Variants in GAN observed in about 807,000 individuals in gnomAD.
GAN encodes the protein gigaxonin.
In GAN, 48 loss-of-function variants were observed where a neutral mutation model predicts 71.3. The ratio of observed to expected loss-of-function variants is 0.67; its 90% confidence interval spans 0.53 to 0.86. The LOEUF (loss-of-function observed/expected upper bound fraction) is 0.86. Among genes scored for constraint, GAN ranks in the 40% least tolerant of loss-of-function variants. The pLI is 0.00. For missense variants in GAN, 928 were observed against 770.1 expected (o/e 1.21, Z -2.43); for synonymous variants, 386 against 276.8 (o/e 1.39, Z -3.92).
In GAN at chr16:81,323,284, A is replaced by T. The variant is rs9931473; in HGVS notation, c.167+8004A>T. Among the ~76,000 whole-genome samples, 501 of 152,272 alleles carry T rather than the reference A, an allele frequency of 3.3e-3. 1 individual carries two copies. Among genetic ancestry groups the T allele is most frequent in the African/African-American group, 0.011 (472 of 41,530 alleles). ...CTGTCTTGTGCGACCAAAGCTATCAACTTTGTTCCCCGCCTAAAAATTACA... is the reference window on the plus strand; with the variant it reads ...CTGTCTTGTGCGACCAAAGCTATCATCTTTGTTCCCCGCCTAAAAATTACA... On this transcript the variant is annotated intron_variant, in intron 1 of 10. Coordinates refer to ENST00000648994, the MANE Select transcript of GAN (RefSeq NM_022041.4).
At chr16:81,364,571 C>G (rs1369105336) in intron 7 of GAN, among the ~76,000 whole-genome samples, 1 of 152,150 alleles carries the variant, frequency 6.6e-6, no homozygotes, top group Non-Finnish European at 1.5e-5. Context: ...CACCTGTAGT[C>G]CCAGCTACCC....
intron 1 of GAN, among the ~76,000 whole-genome samples, chr16:81,336,401 C>G (rs1429209512): frequency 6.6e-6 from 1 of 152,194 alleles, no homozygotes; most frequent in Non-Finnish European, 1.5e-5. Context: ...GAAACATTAA[C>G]TGCAAATTGA....
At chr16:81,344,222 AGCTGCC>A (rs1182705441) in intron 1 of GAN, among the ~76,000 whole-genome samples, 2 of 152,232 alleles carry the variant, frequency 1.3e-5, no homozygotes, top group African/African-American at 4.8e-5. Context: ...ATCCCCATCA[AGCTGCC>A]GCTGACTTTC....
At chr16:81,326,394 G>A (rs1218214734) in intron 1 of GAN, among the ~76,000 whole-genome samples, 2 of 151,420 alleles carry the variant, frequency 1.3e-5, no homozygotes, top group Non-Finnish European at 3.0e-5. Context: ...TTAGCCAGAT[G>A]TGGTGGCACA....
chr16:81,349,531 C>A (rs1910230147), intron 1 of GAN, among the ~76,000 whole-genome samples: 1 of 152,032 alleles, frequency 6.6e-6, no homozygotes, highest in South Asian at 2.1e-4. Context: ...GTAGTTCCGG[C>A]TACTTGGGGG....
intron 9 of GAN, among the ~76,000 whole-genome samples, chr16:81,374,880 G>A (rs961466852): frequency 6.6e-6 from 1 of 152,236 alleles, no homozygotes; most frequent in East Asian, 1.9e-4. Context: ...GGAAAGAAAA[G>A]CCTTTAGCAA....
rs1215491121 is a variant in GAN at position 81,384,957 on chromosome 16, A to G, written c.*7361A>G. ...CCAGTTTCAGGGCACAGTTGTACAC[A>G]TTCTACTTAAATGGAGGAGTTCAGT... On this transcript the variant is annotated 3_prime_UTR_variant, in exon 11 of 11. Coordinates refer to ENST00000648994, the MANE Select transcript of GAN (RefSeq NM_022041.4). 1 of 154,316 alleles carries G rather than the reference A, an allele frequency of 6.5e-6. No homozygotes were observed. The highest frequency in any genetic ancestry group is 1.5e-5 in the Non-Finnish European group (1 of 68,198). The allele number at this position is 154,316 out of a possible 1,614,324, so 9.6% of individuals were successfully genotyped here. A position where few individuals can be genotyped will look rare whatever the true frequency, so the allele number is the denominator to read the frequency against.
At chr16:81,315,776 A>G (rs1463304780) in intron 1 of GAN, among the ~76,000 whole-genome samples, 2 of 152,244 alleles carry the variant, frequency 1.3e-5, no homozygotes, top group Non-Finnish European at 2.9e-5. Flanking sequence ...GGCGCCGCCA[A>G]CCAGGCGGGG....
At chr16:81,352,283 T>C (rs1477946132) in intron 2 of GAN, among the ~76,000 whole-genome samples, 4 of 152,174 alleles carry the variant, frequency 2.6e-5, no homozygotes, top group South Asian at 2.1e-4. Flanking sequence ...CACTTGAACC[T>C]CTGGGGACTT....
chr16:81,339,006 T>A (rs967832108), intron 1 of GAN, among the ~76,000 whole-genome samples: 20 of 152,240 alleles, frequency 1.3e-4, no homozygotes, highest in African/African-American at 4.8e-4. Flanking sequence ...CTTTTAGCAG[T>A]TTGACAGAGT....
At chr16:81,364,065 A>T (rs1010681189) in intron 7 of GAN, 122 bp downstream of exon 7, 19 of 842,572 alleles carry the variant, frequency 2.3e-5, no homozygotes, top group Admixed American at 1.1e-4. Context: ...AACTTTATAG[A>T]ACTCTCTTTA....
Position 81,386,150 on chromosome 16 carries a change from T to G in GAN, c.*8554T>G, listed in dbSNP as rs1904394063. On this transcript the variant is annotated 3_prime_UTR_variant, in exon 11 of 11. Coordinates refer to ENST00000648994, the MANE Select transcript of GAN (RefSeq NM_022041.4). ...AGCTGAAACAGCCCAAAATATGTGT[T>G]TAGAATACTTAGAGTTTGTTATAAA... 1 of 152,234 alleles carries G rather than the reference T, an allele frequency of 6.6e-6. No individual in the cohort carries two copies. Among genetic ancestry groups the G allele is most frequent in the African/African-American group, 2.4e-5 (1 of 41,466 alleles). 9.4% of individuals were successfully genotyped at this position (152,234 alleles called of 1,614,324 possible). A position where few individuals can be genotyped will look rare whatever the true frequency, so the allele number is the denominator to read the frequency against.
chr16:81,374,081 C>G (rs997237247), intron 9 of GAN, among the ~76,000 whole-genome samples: 5 of 152,172 alleles, frequency 3.3e-5, no homozygotes, highest in African/African-American at 7.2e-5. Flanking sequence ...CCTTCATCCT[C>G]TTGAAGGTTA....
At chr16:81,373,822 A>C (rs1904274587) in intron 9 of GAN, among the ~76,000 whole-genome samples, 1 of 152,166 alleles carries the variant, frequency 6.6e-6, no homozygotes, top group Non-Finnish European at 1.5e-5. Flanking sequence ...AGCTCACTGC[A>C]ACCTCCGCCT....
rs1433507022 is a variant in GAN at position 81,390,300 on chromosome 16, G to A, written c.*12704G>A. The A allele has an allele frequency of 2.0e-5, 3 of 152,178 alleles. No homozygotes were observed. The highest frequency in any genetic ancestry group is 4.4e-5 in the Non-Finnish European group (3 of 68,034). The allele number at this position is 152,178 out of a possible 1,614,324, so 9.4% of individuals were successfully genotyped here. On this transcript the variant is annotated 3_prime_UTR_variant, in exon 11 of 11. Transcript: ENST00000648994. ...CACGTCTCACATCCTGTGGTCCAAA[G>A]GTACTAGTTTGTTTTGTGGAATAAT...
At chr16:81,328,169 A>G (rs941832542) in intron 1 of GAN, among the ~76,000 whole-genome samples, 2 of 152,272 alleles carry the variant, frequency 1.3e-5, no homozygotes, top group East Asian at 3.8e-4. Flanking sequence ...TAAAAAATCT[A>G]TACACACAAA....
rs1372617308 is a variant in GAN, at chr16:81,386,305, A to C, written c.*8709A>C. On this transcript the variant is annotated 3_prime_UTR_variant, in exon 11 of 11. Coordinates refer to ENST00000648994, the MANE Select transcript of GAN (RefSeq NM_022041.4). ...AATCTGTATTGGTCAAAGAAACGAG[A>C]TAATTCCTAGATCTCTGTTTTAGAC... 6.6e-6 allele frequency: 1 copy of C among 152,196 alleles called. No individual in the cohort carries two copies. The allele number at this position is 152,196 out of a possible 1,614,324, so 9.4% of individuals were successfully genotyped here. A position where few individuals can be genotyped will look rare whatever the true frequency, so the allele number is the denominator to read the frequency against.
At position 81,351,701 on chromosome 16, in the gene GAN, T is replaced by A; in HGVS notation, c.282+4T>A. ...GGATTACATCTTCAGTGGGCAGGTA[T>A]GATGAGAAACAAAGGAAGGAAGACC... is the stretch of plus-strand genomic sequence containing the variant. On this transcript the variant is annotated splice_donor_region_variant and intron_variant, in intron 2 of 10. Coordinates refer to ENST00000648994, the MANE Select transcript of GAN (RefSeq NM_022041.4). 7.6e-7 allele frequency: 1 copy of A among 1,320,472 alleles called. No individual in the cohort carries two copies. The highest frequency in any genetic ancestry group is 1.7e-5 in the Admixed American group (1 of 59,696). 81.8% of individuals were successfully genotyped at this position (1,320,472 alleles called of 1,614,324 possible).
intron 1 of GAN, among the ~76,000 whole-genome samples, chr16:81,330,903 G>T (rs1909554681): frequency 6.6e-6 from 1 of 152,162 alleles, no homozygotes; most frequent in African/African-American, 2.4e-5. Flanking sequence ...CATAACCTCA[G>T]TGGAATTATA....
Sources: allele counts gnomAD v4.1 joint callset (sites outside exome capture counted in the v4.1 genomes callset), GRCh38; gene constraint gnomAD v4.1.1; transcripts MANE v1.5; gene names NCBI Gene and HGNC (gene_info 2026-07-23, HGNC 2026-07-21).